DSTYK: variants seen among roughly 807,000 people sequenced by gnomAD.
DSTYK encodes RIP-homologous kinase.
DSTYK carries 34 observed loss-of-function variants against 98.7 expected under a neutral mutation model. That is an observed-to-expected ratio of 0.34 (90% confidence interval 0.26 to 0.46). The LOEUF (loss-of-function observed/expected upper bound fraction) is 0.46. Ranked by LOEUF, DSTYK falls within the 20% of genes least tolerant of loss-of-function variation. The probability of loss-of-function intolerance (pLI) is 1.00; values close to 1 mark genes in which losing one functional copy is unlikely to be tolerated. For missense variants in DSTYK, 962 were observed against 1,181.7 expected (o/e 0.81, Z 2.73); for synonymous variants, 462 against 457.3 (o/e 1.01, Z -0.13).
intron 1 of DSTYK, among the ~76,000 whole-genome samples, chr1:205,193,876 A>C (rs1294831798): frequency 6.6e-6 from 1 of 151,890 alleles, no homozygotes; most frequent in Non-Finnish European, 1.5e-5. Flanking sequence ...GTCTCAAAAA[A>C]AAAAAAAAAA....
Position 205,147,614 on chromosome 1 carries a change from G to A in DSTYK, c.2734C>T (p.Arg912Trp), listed in dbSNP as rs748208689. Reference sequence around the variant, plus strand: ...TGCTCAGAATTGGACTTGCAGAGCCGATTCATGATGCCCTGGAGCATGGGC... The same window carrying A: ...TGCTCAGAATTGGACTTGCAGAGCCAATTCATGATGCCCTGGAGCATGGGC... ...VQPMLQGIMN[R>W]LCKSNSEQPN... The change falls in exon 13 of 13, where the codon CGG (arginine) becomes TGG (tryptophan). Residue 912 changes from arginine to tryptophan, a missense_variant. Arg to Trp is a moderately radical substitution (Grantham distance 101). This residue lies in a region of DSTYK where 65 missense variants were observed against 63.9 expected (regional missense o/e 1.02). Coordinates refer to ENST00000367162, the MANE Select transcript of DSTYK (RefSeq NM_015375.3). 4.3e-6 allele frequency: 7 copies of A among 1,614,018 alleles called. No homozygotes were observed. Among genetic ancestry groups the A allele is most frequent in the Admixed American group, 1.7e-5 (1 of 60,022 alleles).
chr1:205,181,775 G>A (rs1447874600), intron 2 of DSTYK, among the ~76,000 whole-genome samples: 3 of 150,116 alleles, frequency 2.0e-5, no homozygotes, highest in Admixed American at 1.3e-4. Context: ...TCGACCTCCT[G>A]GGCTCAAGTG....
In DSTYK at chr1:205,163,967, G is replaced by A; in HGVS notation, c.1325-12C>T. ...AGGGACAATGACGTCTATGGAGGCA[G>A]AGAAATAAGCTGAATAGTTGTGAGG... On this transcript the variant is annotated splice_polypyrimidine_tract_variant and intron_variant, in intron 3 of 12. Coordinates refer to ENST00000367162, the MANE Select transcript of DSTYK (RefSeq NM_015375.3). 6.2e-7 allele frequency: 1 copy of A among 1,610,314 alleles called. No individual in the cohort carries two copies. Among genetic ancestry groups the A allele is most frequent in the Non-Finnish European group, 8.5e-7 (1 of 1,176,628 alleles).
At chr1:205,206,382 C>T (rs367599756) in intron 1 of DSTYK, among the ~76,000 whole-genome samples, 3 of 151,524 alleles carry the variant, frequency 2.0e-5, no homozygotes, top group African/African-American at 7.3e-5. Context: ...CGGGTTCAAG[C>T]GATTCTCCTG....
chr1:205,176,469 T>G (rs759591042), intron 2 of DSTYK, among the ~76,000 whole-genome samples: 3 of 57,440 alleles, frequency 5.2e-5, no homozygotes, highest in Non-Finnish European at 9.6e-5. Flanking sequence ...AGAGTGAAAC[T>G]CCCTCTTAAA....
chr1:205,169,123 C>A lies in DSTYK; in HGVS notation c.1324+40G>T, dbSNP rs185609406. 1.2e-3 allele frequency: 1,789 copies of A among 1,501,272 alleles called. 4 individuals are homozygous for A. The highest frequency in any genetic ancestry group is 1.8e-3 in the Middle Eastern group (10 of 5,598). The allele number at this position is 1,501,272 out of a possible 1,614,324, so 93.0% of individuals were successfully genotyped here. ...TCCGGCTAGAAAATGGTTAGAGACTCCTCCCGTGCCAGCACCCCAACAAGC... is the reference window on the plus strand; with the variant it reads ...TCCGGCTAGAAAATGGTTAGAGACTACTCCCGTGCCAGCACCCCAACAAGC... On this transcript the variant is annotated intron_variant, in intron 3 of 12. Coordinates refer to ENST00000367162, the MANE Select transcript of DSTYK (RefSeq NM_015375.3). The surrounding 1 kb of genome is among the most constrained non-coding windows in gnomAD (Gnocchi z 4.0).
chr1:205,183,733 C>G lies in DSTYK; in HGVS notation c.654+3685G>C, dbSNP rs534614173. On this transcript the variant is annotated intron_variant, in intron 2 of 12. Coordinates refer to ENST00000367162, the MANE Select transcript of DSTYK (RefSeq NM_015375.3). Reference sequence around the variant, plus strand: ...CATTCTTGCTGGCATGAACAGTCTTCCAGGTAGCTGCTGTACAATGCCCCC... The same window carrying G: ...CATTCTTGCTGGCATGAACAGTCTTGCAGGTAGCTGCTGTACAATGCCCCC... Among the ~76,000 whole-genome samples the G allele has an allele frequency of 6.6e-5, 10 of 152,194 alleles. No individual in the cohort carries two copies. The South Asian group carries it at 8.3e-4, about 13-fold the overall frequency.
At chr1:205,207,700 G>A (rs549134535) in intron 1 of DSTYK, among the ~76,000 whole-genome samples, 26 of 133,642 alleles carry the variant, frequency 1.9e-4, no homozygotes, top group African/African-American at 7.5e-4. Flanking sequence ...AGGTTGCAGT[G>A]AGCCAAGATC....
chr1:205,165,099 T>C (rs1657849183), intron 3 of DSTYK, among the ~76,000 whole-genome samples: 4 of 152,180 alleles, frequency 2.6e-5, no homozygotes, highest in Admixed American at 2.6e-4. Flanking sequence ...TTTTGTTTTG[T>C]TTTGCTTTTT....
chr1:205,182,130 G>A (rs1449607779), intron 2 of DSTYK, among the ~76,000 whole-genome samples: 1 of 152,126 alleles, frequency 6.6e-6, no homozygotes, highest in African/African-American at 2.4e-5. Flanking sequence ...GCCAGGCGTG[G>A]TGGCTCATCC....
intron 2 of DSTYK, among the ~76,000 whole-genome samples, chr1:205,170,241 T>C (rs1406168293): frequency 3.3e-5 from 5 of 152,138 alleles, no homozygotes; most frequent in Admixed American, 6.5e-5. Flanking sequence ...CCCCTCTTGC[T>C]CTCCTCTGAC....
At chr1:205,148,461 T>C in intron 11 of DSTYK, 122 bp from the exon 12 acceptor site, 1 of 1,221,014 alleles carries the variant, frequency 8.2e-7, no homozygotes, top group African/African-American at 1.5e-5. Flanking sequence ...TATCTCTCAA[T>C]AACAACCCTG....
At position 205,162,062 on chromosome 1, in the gene DSTYK, C is replaced by T. The variant is rs763059294; in HGVS notation, c.1792G>A (p.Glu598Lys). 3 of 1,613,846 alleles carry T rather than the reference C, an allele frequency of 1.9e-6. No homozygotes were observed. The highest frequency in any genetic ancestry group is 1.3e-5 in the African/African-American group (1 of 74,912). Residue 598 changes from glutamate (E) to lysine (K), a missense_variant, in exon 6 of 13, where the codon GAG (glutamate) becomes AAG (lysine). Glu to Lys is a moderately conservative substitution (Grantham distance 56). Coordinates refer to ENST00000367162, the MANE Select transcript of DSTYK (RefSeq NM_015375.3). ...QFRTRLNSSH[E>K]AFAASLRQLE... ...TGCCGCAAGGAGGCTGCAAAAGCCT[C>T]GTGGGAACTATTGAGCCGAGTCCGG...
Position 205,211,481 on chromosome 1 carries a change from C to T in DSTYK, c.55G>A (p.Gly19Ser), listed in dbSNP as rs762245291. Residue 19 changes from glycine (G) to serine (S), a missense_variant, in exon 1 of 13, where the codon GGC (glycine) becomes AGC (serine). This residue lies in a region of DSTYK where 168 missense variants were observed against 120.0 expected (regional missense o/e 1.40). Transcript: ENST00000367162. ...AGCTCGCGGATCATTCCGCCGCCGC[C>T]GGGGCCGGGACCCGAGACGGGCTCG... ...GSEPVSGPGPGGGGMIRELCR... is the reference protein window; with the variant it reads ...GSEPVSGPGPSGGGMIRELCR... 36 of 1,584,508 alleles carry T rather than the reference C, an allele frequency of 2.3e-5. No individual in the cohort carries two copies. Among genetic ancestry groups the T allele is most frequent in the Non-Finnish European group, 2.9e-5 (34 of 1,169,658 alleles).
intron 2 of DSTYK, among the ~76,000 whole-genome samples, chr1:205,173,692 T>C (rs1004385946): frequency 6.6e-6 from 1 of 152,074 alleles, no homozygotes; most frequent in Non-Finnish European, 1.5e-5. Context: ...CAGCCAAAGC[T>C]GCCAAGTCCA....
chr1:205,171,199 C>T (rs1658053309), intron 2 of DSTYK, among the ~76,000 whole-genome samples: 1 of 152,012 alleles, frequency 6.6e-6, no homozygotes, highest in Admixed American at 6.6e-5. Flanking sequence ...CACCTGTAAT[C>T]CCAGCCCTTG....
chr1:205,161,852 A>G (rs1036019618), intron 6 of DSTYK, among the ~76,000 whole-genome samples, 184 bp downstream of exon 6: 1 of 152,196 alleles, frequency 6.6e-6, no homozygotes, highest in South Asian at 2.1e-4. Flanking sequence ...AACAATCTAG[A>G]AAGAAAATAT....
chr1:205,181,671 T>TGTGTGC (rs1409083829), intron 2 of DSTYK, among the ~76,000 whole-genome samples: 2 of 151,190 alleles, frequency 1.3e-5, no homozygotes, highest in Admixed American at 6.6e-5. Context: ...TGTGTGTGTG[T>TGTGTGC]GTGTGTGTGT....
chr1:205,164,051 G>GT, intron 3 of DSTYK, 96 bp from the exon 4 acceptor site: 1 of 998,926 alleles, frequency 1.0e-6, no homozygotes. Context: ...TGGAACTACC[G>GT]TGATGATGAT....
Sources: gnomAD v4.1 joint callset for allele counts (sites outside exome capture counted in the v4.1 genomes callset) on GRCh38, gnomAD v4.1.1 for gene constraint, gnomAD v4.1.1 regional missense constraint, Gnocchi (gnomAD v3.1) non-coding constraint, MANE v1.5 for transcripts, NCBI Gene and HGNC (gene_info 2026-07-23, HGNC 2026-07-21) for gene names.